The following PGP variants were observed in gnomAD, a reference collection of about 807,000 sequenced individuals.
The protein encoded by PGP is aspartate-based ubiquitous Mg(2+)-dependent phosphatase.
A neutral mutation model predicts 19.3 loss-of-function variants in PGP; 9 were observed. The ratio of observed to expected loss-of-function variants is 0.47; its 90% CI spans 0.28 to 0.81. The LOEUF is 0.81. PGP is among the 40% of genes least tolerant of loss of function. The pLI is 0.11. For missense variants in PGP, 403 were observed against 479.9 expected, an observed-to-expected ratio of 0.84 and a Z score of 1.50; for synonymous variants, 308 against 226.8, an observed-to-expected ratio of 1.36 and a Z score of -3.22.
At position 2,213,956 on chromosome 16, in the gene PGP, C is replaced by T. The variant is rs760879802; in HGVS notation, c.738G>A (p.Gln246=). 2.5e-6 allele frequency: 4 copies of T among 1,611,586 alleles called. No homozygotes were observed. In the African/African-American group the frequency reaches 4.0e-5, roughly 16 times the overall value. ...TGCGCTCGGGGTTGATGCCGTATTCCTGGGACACGCAGTCGAAAATGAAGC... is the reference window on the plus strand; with the variant it reads ...TGCGCTCGGGGTTGATGCCGTATTCTTGGGACACGCAGTCGAAAATGAAGC... The part of the protein sequence containing the change: ...PSRFIFDCVS[Q]EYGINPERTV... Residue 246 remains glutamine, a synonymous_variant, in exon 2 of 2, where the codon CAG becomes CAA. Transcript: ENST00000333503.
Position 2,214,271 on chromosome 16 carries a change from C to G in PGP, c.507G>C (p.Val169=), listed in dbSNP as rs980071845. The G allele has an allele frequency of 6.3e-7, 1 of 1,576,444 alleles. No homozygotes were observed. Among genetic ancestry groups the G allele is most frequent in the Non-Finnish European group, 8.5e-7 (1 of 1,169,958 alleles). ...APLEPDVRAV[V]VGFDPHFSYM... Reference sequence around the variant, plus strand: ...AGCTGAAGTGCGGGTCAAAGCCCACCACCACCGCGCGCACGTCGGGCTCCA... The same window carrying G: ...AGCTGAAGTGCGGGTCAAAGCCCACGACCACCGCGCGCACGTCGGGCTCCA... Residue 169 remains valine, a synonymous_variant, in exon 1 of 2, where the codon GTG becomes GTC. Coordinates refer to ENST00000333503, the MANE Select transcript of PGP (RefSeq NM_001042371.3). The surrounding 1 kb of genome is among the most constrained non-coding windows in gnomAD (Gnocchi z 7.1).
In PGP at chr16:2,212,625, C is replaced by T; in HGVS notation, c.*1103G>A. ...TACCCCAGCCTAGGGAAGGGGAGGA[C>T]AGGAAGAGACTGGATGCTTTGTAAA... On this transcript the variant is annotated 3_prime_UTR_variant, in exon 2 of 2. Coordinates refer to ENST00000333503, the MANE Select transcript of PGP (RefSeq NM_001042371.3). The T allele has an allele frequency of 1.0e-6, 1 of 985,504 alleles. No homozygotes were observed. Among genetic ancestry groups the T allele is most frequent in the Non-Finnish European group, 1.2e-6 (1 of 829,946 alleles). 61.0% of individuals were successfully genotyped at this position (985,504 alleles called of 1,614,324 possible).
chr16:2,214,772 C>A lies in PGP; in HGVS notation c.6G>T (p.Ala2=). M[A]AAEAGGDDAR... ...CGTCGTCGCCACCGGCCTCCGCCGC[C>A]GCCATCGCCGCCCGCCGGCCGCCGC... The change falls in exon 1 of 2, where the codon GCG becomes GCT. Residue 2 remains alanine (A), a synonymous_variant. Coordinates refer to ENST00000333503, the MANE Select transcript of PGP (RefSeq NM_001042371.3). This position sits in a 1 kb window ranked among gnomAD's most constrained non-coding sequence, Gnocchi z 7.1. 2 of 1,048,204 alleles carry A rather than the reference C, an allele frequency of 1.9e-6. No homozygotes were observed. The highest frequency in any genetic ancestry group is 2.3e-6 in the Non-Finnish European group (2 of 865,648). 64.9% of individuals were successfully genotyped at this position (1,048,204 alleles called of 1,614,324 possible). A position where few individuals can be genotyped will look rare whatever the true frequency, so the allele number is the denominator to read the frequency against.
chr16:2,214,786 G>A lies in PGP; in HGVS notation c.-9C>T, dbSNP rs953921257. The A allele has an allele frequency of 2.6e-5, 24 of 923,506 alleles. No individual in the cohort carries two copies. The South Asian group carries it at 2.9e-4, about 11-fold the overall frequency. 57.2% of individuals were successfully genotyped at this position (923,506 alleles called of 1,614,324 possible). On this transcript the variant is annotated 5_prime_UTR_variant, in exon 1 of 2. Transcript: ENST00000333503. This position sits in a 1 kb window ranked among gnomAD's most constrained non-coding sequence, Gnocchi z 7.1. ...GCCTCCGCCGCCGCCATCGCCGCCC[G>A]CCGGCCGCCGCCGCCCGCCGGCCGC...
In PGP at chr16:2,213,873, A is replaced by G; in HGVS notation, c.821T>C (p.Leu274Pro). Reference protein sequence around the residue: ...TDILLGATCGLKTILTLTGVS... With the variant: ...TDILLGATCGPKTILTLTGVS... ...TCCGGTGAGGGTCAGGATGGTCTTC[A>G]GGCCACAGGTGGCGCCTAGGAGGAT... Residue 274 changes from leucine to proline, a missense_variant, in exon 2 of 2, where the codon CTG becomes CCG. Leu to Pro is a moderately conservative substitution (Grantham distance 98, BLOSUM62 -3). Transcript: ENST00000333503. 6.2e-7 allele frequency: 1 copy of G among 1,613,180 alleles called. No individual in the cohort carries two copies. The highest frequency in any genetic ancestry group is 8.5e-7 in the Non-Finnish European group (1 of 1,179,382).
In PGP at chr16:2,214,616, C is replaced by G. The variant is rs1387106913; in HGVS notation, c.162G>C (p.Arg54=). 11 of 1,455,744 alleles carry G rather than the reference C, an allele frequency of 7.6e-6. No homozygotes were observed. Among genetic ancestry groups the G allele is most frequent in the South Asian group, 1.3e-5 (1 of 76,722 alleles). The allele number at this position is 1,455,744 out of a possible 1,614,324, so 90.2% of individuals were successfully genotyped here. A position where few individuals can be genotyped will look rare whatever the true frequency, so the allele number is the denominator to read the frequency against. The change falls in exon 1 of 2, where the codon CGG becomes CGC. Residue 54 remains arginine (R), a synonymous_variant. Coordinates refer to ENST00000333503, the MANE Select transcript of PGP (RefSeq NM_001042371.3). This position sits in a 1 kb window ranked among gnomAD's most constrained non-coding sequence, Gnocchi z 7.1. ...TAVPGAPEAL[R]ALRARGKRLG... ...GGCGCTTGCCGCGGGCTCGCAGCGCCCGCAGGGCCTCGGGCGCGCCAGGCA... is the reference window on the plus strand; with the variant it reads ...GGCGCTTGCCGCGGGCTCGCAGCGCGCGCAGGGCCTCGGGCGCGCCAGGCA...
Position 2,212,459 on chromosome 16 carries a change from C to T in PGP, c.*1269G>A. 1 of 985,688 alleles carries T rather than the reference C, an allele frequency of 1.0e-6. No homozygotes were observed. Among genetic ancestry groups the T allele is most frequent in the Non-Finnish European group, 1.2e-6 (1 of 830,018 alleles). 61.1% of individuals were successfully genotyped at this position (985,688 alleles called of 1,614,324 possible). On this transcript the variant is annotated 3_prime_UTR_variant, in exon 2 of 2. Transcript: ENST00000333503. The stretch of plus-strand genomic sequence containing the variant: ...TGCTGTCAGGCCTGTGAAAGGTCAG[C>T]AGAGCCAAGGAGCAGGCAGGAGAGG...
At position 2,213,958 on chromosome 16, in the gene PGP, G is replaced by C; in HGVS notation, c.736C>G (p.Gln246Glu). ...CGCTCGGGGTTGATGCCGTATTCCT[G>C]GGACACGCAGTCGAAAATGAAGCGG... ...PSRFIFDCVS[Q>E]EYGINPERTV... Residue 246 changes from glutamine (Q) to glutamate (E), a missense_variant, in exon 2 of 2, where the codon CAG (glutamine) becomes GAG (glutamate). Transcript: ENST00000333503. 7.4e-6 allele frequency: 12 copies of C among 1,611,452 alleles called. No individual in the cohort carries two copies. The highest frequency in any genetic ancestry group is 9.3e-6 in the Non-Finnish European group (11 of 1,178,508).
rs1356405100 is a variant in PGP at position 2,211,999 on chromosome 16, G to A, written c.*1729C>T. The stretch of plus-strand genomic sequence containing the variant: ...GAGCAAGGACACCTGAGCCAGTGTG[G>A]GTTTGAGAGTTTAATCTGTGCTCTG... On this transcript the variant is annotated 3_prime_UTR_variant, in exon 2 of 2. Coordinates refer to ENST00000333503, the MANE Select transcript of PGP (RefSeq NM_001042371.3). 2.0e-6 allele frequency: 2 copies of A among 985,424 alleles called. No individual in the cohort carries two copies. The highest frequency in any genetic ancestry group is 4.7e-5 in the South Asian group (1 of 21,302). 61.0% of individuals were successfully genotyped at this position (985,424 alleles called of 1,614,324 possible).
chr16:2,212,231 C>T lies in PGP; in HGVS notation c.*1497G>A. 1 of 985,918 alleles carries T rather than the reference C, an allele frequency of 1.0e-6. No individual in the cohort carries two copies. Among genetic ancestry groups the T allele is most frequent in the Non-Finnish European group, 1.2e-6 (1 of 830,024 alleles). 61.1% of individuals were successfully genotyped at this position (985,918 alleles called of 1,614,324 possible). On this transcript the variant is annotated 3_prime_UTR_variant, in exon 2 of 2. Transcript: ENST00000333503. ...CCTCATGGGTGGAGCCACCCTCATG[C>T]TGCTCTGCAGCACCCTCTGAACCCG...
At position 2,213,308 on chromosome 16, in the gene PGP, C is replaced by T. The variant is rs975576805; in HGVS notation, c.*420G>A. Reference sequence around the variant, plus strand: ...CTGATGGGGCTCTGGTCCATGCAAGCCTCTCCCAACAGTCAGAATAATCAG... The same window carrying T: ...CTGATGGGGCTCTGGTCCATGCAAGTCTCTCCCAACAGTCAGAATAATCAG... On this transcript the variant is annotated 3_prime_UTR_variant, in exon 2 of 2. Coordinates refer to ENST00000333503, the MANE Select transcript of PGP (RefSeq NM_001042371.3). 1.0e-6 allele frequency: 1 copy of T among 988,316 alleles called. No individual in the cohort carries two copies. Among genetic ancestry groups the T allele is most frequent in the South Asian group, 4.6e-5 (1 of 21,648 alleles). The allele number at this position is 988,316 out of a possible 1,614,324, so 61.2% of individuals were successfully genotyped here. A position where few individuals can be genotyped will look rare whatever the true frequency, so the allele number is the denominator to read the frequency against.
At position 2,213,645 on chromosome 16, in the gene PGP, GA is replaced by G. The variant is rs1596739344; in HGVS notation, c.*82del. 2.3e-6 allele frequency: 3 copies of G among 1,329,696 alleles called. No individual in the cohort carries two copies. In the East Asian group the frequency reaches 7.5e-5, roughly 33 times the overall value. 82.4% of individuals were successfully genotyped at this position (1,329,696 alleles called of 1,614,324 possible). On this transcript the variant is annotated 3_prime_UTR_variant, in exon 2 of 2. Transcript: ENST00000333503. Reference sequence around the variant, plus strand: ...CTCTTTGAAGCCACTTAGCCGAGCAGATGCTTAAGCCCCACCTATTAATTTG... The same window carrying G: ...CTCTTTGAAGCCACTTAGCCGAGCAGTGCTTAAGCCCCACCTATTAATTTG...
Position 2,212,626 on chromosome 16 carries a change from A to G in PGP, c.*1102T>C. On this transcript the variant is annotated 3_prime_UTR_variant, in exon 2 of 2. Transcript: ENST00000333503. ...ACCCCAGCCTAGGGAAGGGGAGGAC[A>G]GGAAGAGACTGGATGCTTTGTAAAG... 1 of 985,522 alleles carries G rather than the reference A, an allele frequency of 1.0e-6. No homozygotes were observed. The highest frequency in any genetic ancestry group is 4.7e-5 in the South Asian group (1 of 21,292). 61.0% of individuals were successfully genotyped at this position (985,522 alleles called of 1,614,324 possible).
In PGP at chr16:2,214,224, A is replaced by T; in HGVS notation, c.554T>A (p.Leu185Gln). The T allele has an allele frequency of 6.3e-7, 1 of 1,595,004 alleles. No homozygotes were observed. The highest frequency in any genetic ancestry group is 8.5e-7 in the Non-Finnish European group (1 of 1,178,730). Residue 185 changes from leucine to glutamine, a missense_variant, in exon 1 of 2, where the codon CTG becomes CAG. Coordinates refer to ENST00000333503, the MANE Select transcript of PGP (RefSeq NM_001042371.3). This position sits in a 1 kb window ranked among gnomAD's most constrained non-coding sequence, Gnocchi z 7.1. ...GCAGCCGGGCTGCTGCAGGTAGCGC[A>T]GGGCCTTGGTGAGCTTCATGTAGCT... is the stretch of plus-strand genomic sequence containing the variant. Reference protein sequence around the residue: ...HFSYMKLTKALRYLQQPGCLL... With the variant: ...HFSYMKLTKAQRYLQQPGCLL...
chr16:2,214,245 T>C lies in PGP; in HGVS notation c.533A>G (p.Tyr178Cys). 6.3e-7 allele frequency: 1 copy of C among 1,591,938 alleles called. No individual in the cohort carries two copies. The highest frequency in any genetic ancestry group is 8.5e-7 in the Non-Finnish European group (1 of 1,177,370). The change falls in exon 1 of 2, where the codon TAC (tyrosine) becomes TGC (cysteine). Residue 178 changes from tyrosine (Y) to cysteine (C), a missense_variant. Physicochemically the swap from Tyr to Cys is radical, Grantham distance 194 (BLOSUM62 -2). Transcript: ENST00000333503. This position sits in a 1 kb window ranked among gnomAD's most constrained non-coding sequence, Gnocchi z 7.1. ...VVVGFDPHFS[Y>C]MKLTKALRYL... ...GCGCAGGGCCTTGGTGAGCTTCATG[T>C]AGCTGAAGTGCGGGTCAAAGCCCAC...
Position 2,213,839 on chromosome 16 carries a change from A to G in PGP, c.855T>C (p.Thr285=), listed in dbSNP as rs11546821. 1 of 1,611,870 alleles carries G rather than the reference A, an allele frequency of 6.2e-7. No individual in the cohort carries two copies. Among genetic ancestry groups the G allele is most frequent in the Non-Finnish European group, 8.5e-7 (1 of 1,178,344 alleles). The change falls in exon 2 of 2, where the codon ACT becomes ACC. Residue 285 remains threonine (T), a synonymous_variant. Transcript: ENST00000333503. ...CCTGATTATTCTTCACATCCCCTAGAGTGGAGACTCCGGTGAGGGTCAGGA... is the reference window on the plus strand; with the variant it reads ...CCTGATTATTCTTCACATCCCCTAGGGTGGAGACTCCGGTGAGGGTCAGGA... ...KTILTLTGVS[T]LGDVKNNQES...
Position 2,213,934 on chromosome 16 carries a change from G to T in PGP, c.760C>A (p.Arg254Ser), listed in dbSNP as rs1370370624. The change falls in exon 2 of 2, where the codon CGC (arginine) becomes AGC (serine). Residue 254 changes from arginine to serine, a missense_variant. Physicochemically the swap from Arg to Ser is moderately radical, Grantham distance 110. Coordinates refer to ENST00000333503, the MANE Select transcript of PGP (RefSeq NM_001042371.3). ...AGGCGGTCTCCCACCATGACGGTGC[G>T]CTCGGGGTTGATGCCGTATTCCTGG... ...VSQEYGINPE[R>S]TVMVGDRLDT... is the part of the protein sequence containing the mutation. The T allele has an allele frequency of 5.0e-6, 8 of 1,612,798 alleles. No individual in the cohort carries two copies. Among genetic ancestry groups the T allele is most frequent in the Non-Finnish European group, 5.1e-6 (6 of 1,179,454 alleles).
chr16:2,214,544 G>C lies in PGP; in HGVS notation c.234C>G (p.Ala78=). 6.9e-7 allele frequency: 1 copy of C among 1,456,980 alleles called. No homozygotes were observed. Among genetic ancestry groups the C allele is most frequent in the Non-Finnish European group, 9.0e-7 (1 of 1,107,650 alleles). The allele number at this position is 1,456,980 out of a possible 1,614,324, so 90.3% of individuals were successfully genotyped here. Residue 78 remains alanine (A), a synonymous_variant, in exon 1 of 2, where the codon GCC becomes GCG. Transcript: ENST00000333503. The surrounding 1 kb of genome is among the most constrained non-coding windows in gnomAD (Gnocchi z 7.1). ...NNSSKTRAAY[A]EKLRRLGFGG... is the part of the protein sequence containing the mutation. ...CGAAGCCCAGGCGCCGCAGCTTCTC[G>C]GCGTAGGCAGCGCGGGTCTTGCTGC...
Position 2,212,343 on chromosome 16 carries a change from G to A in PGP, c.*1385C>T. The A allele has an allele frequency of 2.0e-6, 2 of 986,114 alleles. No individual in the cohort carries two copies. The highest frequency in any genetic ancestry group is 2.4e-6 in the Non-Finnish European group (2 of 830,210). The allele number at this position is 986,114 out of a possible 1,614,324, so 61.1% of individuals were successfully genotyped here. A position where few individuals can be genotyped will look rare whatever the true frequency, so the allele number is the denominator to read the frequency against. On this transcript the variant is annotated 3_prime_UTR_variant, in exon 2 of 2. Coordinates refer to ENST00000333503, the MANE Select transcript of PGP (RefSeq NM_001042371.3). ...TGACCAAGTGGAGTGCTGTGACTGT[G>A]GGGCCAAGAGAGAAGCTGCCAGGTA...
Sources: gnomAD v4.1 joint callset for allele counts on GRCh38, gnomAD v4.1.1 for gene constraint, Gnocchi (gnomAD v3.1) non-coding constraint, MANE v1.5 for transcripts, NCBI Gene and HGNC (gene_info 2026-07-23, HGNC 2026-07-21) for gene names.